JUP: variants seen among roughly 807,000 people sequenced by gnomAD.
JUP encodes catenin (cadherin-associated protein), gamma 80kDa.
A neutral mutation model predicts 71.1 loss-of-function variants in JUP; 28 were observed. The observed-to-expected ratio is 0.39, with a 90% CI of 0.29 to 0.54. The LOEUF (loss-of-function observed/expected upper bound fraction) is 0.54, where lower values mean the gene tolerates loss of function less well. Among genes scored for constraint, JUP ranks in the 20% least tolerant of loss-of-function variants. JUP has a pLI of 0.62. For missense variants in JUP, 869 were observed against 1,030.1 expected (o/e 0.84, Z 2.14); for synonymous variants, 401 against 438.9 (o/e 0.91, Z 1.08).
rs1250651922 is a variant in JUP at position 41,755,633 on chromosome 17, C to T, written c.*111G>A. The T allele has an allele frequency of 1.8e-6, 2 of 1,108,460 alleles. No homozygotes were observed. The highest frequency in any genetic ancestry group is 1.8e-5 in the South Asian group (1 of 54,922). 68.7% of individuals were successfully genotyped at this position (1,108,460 alleles called of 1,614,324 possible). On this transcript the variant is annotated 3_prime_UTR_variant, in exon 14 of 14. Coordinates refer to ENST00000393931, the MANE Select transcript of JUP (RefSeq NM_002230.4). ...GGAAGCTCAGCAGCAAAGGATCCCC[C>T]CAAAAAAGGAGCGCAGGTTTCAGCG...
intron 5 of JUP, among the ~76,000 whole-genome samples, chr17:41,766,303 G>GAGGGAA (rs1386387608): frequency 1.3e-5 from 2 of 149,830 alleles, no homozygotes; most frequent in East Asian, 3.9e-4. Flanking sequence ...GAGAGGAAGA[G>GAGGGAA]AGGGAAAGGA....
rs782377671 is a variant in JUP, at chr17:41,769,042, G to A, written c.634C>T (p.Leu212Phe). ...ARCTTSILHN[L>F]SHHREGLLAI... The stretch of plus-strand genomic sequence containing the variant: ...AGCAGCCCCTCCCGGTGGTGGGAGA[G>A]GTTGTGCAGGATGCTGGTGGTGCAG... The change falls in exon 4 of 14, where the codon CTC becomes TTC. Residue 212 changes from leucine (L) to phenylalanine (F), a missense_variant. Coordinates refer to ENST00000393931, the MANE Select transcript of JUP (RefSeq NM_002230.4). The A allele has an allele frequency of 1.9e-6, 3 of 1,612,922 alleles. No individual in the cohort carries two copies. Among genetic ancestry groups the A allele is most frequent in the South Asian group, 1.1e-5 (1 of 90,960 alleles).
At chr17:41,756,261 C>G (rs1348420635) in intron 12 of JUP, 47 bp from the exon 13 acceptor site, 3 of 1,587,720 alleles carry the variant, frequency 1.9e-6, no homozygotes, top group Non-Finnish European at 2.6e-6. Context: ...AAAATGCAGG[C>G]TCCGAGCTGG....
intron 8 of JUP, among the ~76,000 whole-genome samples, chr17:41,759,280 G>A (rs1555600082): frequency 6.6e-6 from 1 of 152,034 alleles, no homozygotes; most frequent in African/African-American, 2.4e-5. Flanking sequence ...TCGCCATGTT[G>A]GGCAGGCTGG....
chr17:41,784,756 A>G (rs1037009947), intron 1 of JUP, among the ~76,000 whole-genome samples: 2 of 151,942 alleles, frequency 1.3e-5, no homozygotes, highest in East Asian at 1.9e-4. Flanking sequence ...CCCATCTACA[A>G]CAAAGAAAGA....
intron 4 of JUP, 47 bp from the exon 5 acceptor site, chr17:41,767,627 G>T: frequency 1.3e-6 from 2 of 1,500,568 alleles, no homozygotes; most frequent in Non-Finnish European, 1.8e-6. Flanking sequence ...CAGAGGCCTG[G>T]CATACATGTG....
At chr17:41,761,376 G>A (rs1049022543) in intron 8 of JUP, among the ~76,000 whole-genome samples, 16 of 152,150 alleles carry the variant, frequency 1.1e-4, no homozygotes, top group African/African-American at 2.9e-4. Context: ...TCTGGTGGCC[G>A]CTAGCCATCC....
chr17:41,783,596 C>T (rs2047284522), intron 1 of JUP, among the ~76,000 whole-genome samples: 1 of 151,982 alleles, frequency 6.6e-6, no homozygotes, highest in Non-Finnish European at 1.5e-5. Context: ...CCTGGCCAGC[C>T]ATAAGGATTA....
At chr17:41,761,755 A>G (rs1392623308) in intron 8 of JUP, among the ~76,000 whole-genome samples, 2 of 145,496 alleles carry the variant, frequency 1.4e-5, no homozygotes, top group African/African-American at 2.5e-5. Flanking sequence ...CTCCGTCTCA[A>G]AAAAAAAAAA....
Position 41,767,486 on chromosome 17 carries a change from C to A in JUP, c.802G>T (p.Asp268Tyr). The stretch of plus-strand genomic sequence containing the variant: ...AGGGGCACCATCTTTTGCAGCCCGT[C>A]GGCCAGGCGCACGGCCATCTTGGCG... ...EGAKMAVRLADGLQKMVPLLN... is the reference protein window; with the variant it reads ...EGAKMAVRLAYGLQKMVPLLN... Residue 268 changes from aspartate to tyrosine, a missense_variant, in exon 5 of 14, where the codon GAC becomes TAC. By Grantham distance (160) the Asp-to-Tyr change is radical. Transcript: ENST00000393931. The A allele has an allele frequency of 6.2e-7, 1 of 1,610,696 alleles. No individual in the cohort carries two copies.
rs187857669 is a variant in JUP, at chr17:41,770,558, G to A, written c.209-881C>T. Among the ~76,000 whole-genome samples the A allele has an allele frequency of 1.3e-4, 20 of 152,284 alleles. No homozygotes were observed. The East Asian group carries it at 3.1e-3, about 24-fold the overall frequency. ...CCCTGCTACCCCTACCAGCTGTCAG[G>A]GAGGAGACTGGCATGCGAGGGCTGA... is the stretch of plus-strand genomic sequence containing the variant. On this transcript the variant is annotated intron_variant, in intron 2 of 13. Coordinates refer to ENST00000393931, the MANE Select transcript of JUP (RefSeq NM_002230.4).
At chr17:41,765,132 G>T in intron 5 of JUP, 65 bp from the exon 6 acceptor site, 1 of 1,482,002 alleles carries the variant, frequency 6.7e-7, no homozygotes, top group Non-Finnish European at 9.4e-7. Flanking sequence ...GGAAGCGCGG[G>T]ACAGGAGACA....
At chr17:41,785,694 T>C (rs927773510) in intron 1 of JUP, among the ~76,000 whole-genome samples, 2 of 152,174 alleles carry the variant, frequency 1.3e-5, no homozygotes, top group East Asian at 3.9e-4. Context: ...TTTTGGGTGA[T>C]TTTTTCCAAC....
Position 41,755,862 on chromosome 17 carries a change from C to G in JUP, c.2120G>C (p.Ser707Thr). 6.2e-7 allele frequency: 1 copy of G among 1,612,586 alleles called. No individual in the cohort carries two copies. The highest frequency in any genetic ancestry group is 8.5e-7 in the Non-Finnish European group (1 of 1,179,286). Residue 707 changes from serine to threonine, a missense_variant, in exon 14 of 14, where the codon AGC (serine) becomes ACC (threonine). By Grantham distance (58) the Ser-to-Thr change is moderately conservative (BLOSUM62 1). Transcript: ENST00000393931. ...CTCCAGCGGGTCAAGGGGCACATCG[C>G]TGGAGTACATGGGGCGGTAGGTGGC... ...MDATYRPMYS[S>T]DVPLDPLEMH...
chr17:41,761,809 C>T (rs1914862258), intron 8 of JUP, among the ~76,000 whole-genome samples: 1 of 151,038 alleles, frequency 6.6e-6, no homozygotes, highest in African/African-American at 2.4e-5. Flanking sequence ...TGTCTCACAC[C>T]TGTAATCCCC....
intron 2 of JUP, among the ~76,000 whole-genome samples, chr17:41,770,025 T>G (rs1916406516): frequency 6.6e-6 from 1 of 151,854 alleles, no homozygotes; most frequent in African/African-American, 2.4e-5. Context: ...CTGGCTCCAC[T>G]TTACAGATGG....
At chr17:41,764,637 T>A in intron 7 of JUP, 76 bp downstream of exon 7, 3 of 1,099,902 alleles carry the variant, frequency 2.7e-6, no homozygotes, top group Middle Eastern at 3.1e-4. Flanking sequence ...CCACAGTACC[T>A]CAGGTCAGAT....
At chr17:41,766,519 G>A (rs566265518) in intron 5 of JUP, among the ~76,000 whole-genome samples, 2 of 152,024 alleles carry the variant, frequency 1.3e-5, no homozygotes, top group Non-Finnish European at 2.9e-5. Context: ...CCAGGAGTTT[G>A]AGACCAGCCT....
Position 41,769,066 on chromosome 17 carries a change from A to G in JUP, c.610T>C (p.Cys204Arg). 1 of 1,613,302 alleles carries G rather than the reference A, an allele frequency of 6.2e-7. No individual in the cohort carries two copies. Among genetic ancestry groups the G allele is most frequent in the Non-Finnish European group, 8.5e-7 (1 of 1,179,834 alleles). ...AGGTTGTGCAGGATGCTGGTGGTGC[A>G]GCGGGCTGTGTCCAGGTCGCTGGTA... ...QNTSDLDTAR[C>R]TTSILHNLSH... The change falls in exon 4 of 14, where the codon TGC becomes CGC. Residue 204 changes from cysteine to arginine, a missense_variant. Coordinates refer to ENST00000393931, the MANE Select transcript of JUP (RefSeq NM_002230.4).
Sources: allele counts gnomAD v4.1 joint callset (sites outside exome capture counted in the v4.1 genomes callset), GRCh38; gene constraint gnomAD v4.1.1; transcripts MANE v1.5; gene names NCBI Gene and HGNC (gene_info 2026-07-23, HGNC 2026-07-21).